ACYP2: variants seen among roughly 807,000 people sequenced by gnomAD.
The protein encoded by ACYP2 is acylphosphatase 2.
A neutral mutation model predicts 11.2 loss-of-function variants in ACYP2; 12 were observed. That is an observed-to-expected ratio of 1.08 (90% CI 0.69 to 1.74). ACYP2 has a LOEUF of 1.74. Among genes scored for constraint, ACYP2 ranks in the 40% most tolerant of loss-of-function variants. The pLI is 0.00. For synonymous variants in ACYP2, 43 were observed against 32.2 expected, an observed-to-expected ratio of 1.33 and a Z score of -1.13; for missense variants, 134 against 101.9, an observed-to-expected ratio of 1.31 and a Z score of -1.35.
At chr2:54,266,575 T>C (rs1387796694) in intron 6 of ACYP2, among the ~76,000 whole-genome samples, 1 of 140,306 alleles carries the variant, frequency 7.1e-6, no homozygotes, top group Non-Finnish European at 1.5e-5. Flanking sequence ...TAGATAGATA[T>C]AGATATCTAT....
intron 6 of ACYP2, among the ~76,000 whole-genome samples, chr2:54,275,058 G>A (rs948280351): frequency 3.4e-5 from 5 of 148,002 alleles, no homozygotes; most frequent in Non-Finnish European, 7.4e-5. Flanking sequence ...TCTGTGTAAG[G>A]TAAGGTATAA....
chr2:54,020,583 A>G (rs1177325339), intron 2 of ACYP2, among the ~76,000 whole-genome samples: 2 of 152,238 alleles, frequency 1.3e-5, no homozygotes, highest in Admixed American at 6.5e-5. Flanking sequence ...TGCTCCTGTA[A>G]ATAAAATTAT....
At chr2:54,201,652 T>TTC (rs777206836) in intron 6 of ACYP2, among the ~76,000 whole-genome samples, 2 of 93,426 alleles carry the variant, frequency 2.1e-5, no homozygotes, top group South Asian at 4.4e-4. Flanking sequence ...CTTTCTTTCT[T>TTC]TCTTTCTTTC....
chr2:54,015,645 T>TCACACA (rs4027206), intron 2 of ACYP2, among the ~76,000 whole-genome samples: 3,087 of 130,352 alleles, frequency 0.024, 51 homozygotes, highest in African/African-American at 0.04. Context: ...TGAGACCCCG[T>TCACACA]CACACACACA....
intron 6 of ACYP2, among the ~76,000 whole-genome samples, chr2:54,299,483 T>G (rs1001939785): frequency 4.0e-4 from 61 of 151,072 alleles, no homozygotes; most frequent in African/African-American, 1.3e-3. Context: ...TCCCAGTTAC[T>G]CAGGAGGCTG....
At chr2:53,990,696 T>G (rs1451125498) in intron 2 of ACYP2, among the ~76,000 whole-genome samples, 1 of 150,690 alleles carries the variant, frequency 6.6e-6, no homozygotes, top group African/African-American at 2.4e-5. Context: ...ATCCTCACTT[T>G]CAGCAAATTA....
At chr2:54,171,031 C>T (rs59531016) in intron 6 of ACYP2, among the ~76,000 whole-genome samples, 9 of 152,070 alleles carry the variant, frequency 5.9e-5, no homozygotes, top group Admixed American at 1.3e-4. Flanking sequence ...CGGGAGGGCT[C>T]GGCATTTCAT....
intron 6 of ACYP2, among the ~76,000 whole-genome samples, chr2:54,278,529 A>G (rs142883401): frequency 5.8e-4 from 88 of 152,316 alleles, no homozygotes; most frequent in African/African-American, 2.0e-3. Context: ...GCGAGTTGGA[A>G]TAATTATGAG....
rs536282449 is a variant in ACYP2, at chr2:54,050,938, AT to A, written c.63-13del. ...TACAGGTGTGCACCCAACTAATTAA[AT>A]TTTTTTCTTTTTTTGTAGATACAAG... On this transcript the variant is annotated intron_variant, in intron 2 of 6. Coordinates refer to ENST00000607452, the MANE Select transcript of ACYP2 (RefSeq NM_001320586.2). 409 of 406,742 alleles carry A rather than the reference AT, an allele frequency of 1.0e-3. 1 individual carries two copies. The highest frequency in any genetic ancestry group is 1.2e-3 in the Middle Eastern group (2 of 1,616). The allele number at this position is 406,742 out of a possible 1,614,324, so 25.2% of individuals were successfully genotyped here.
chr2:54,278,728 T>C (rs1688722570), intron 6 of ACYP2, among the ~76,000 whole-genome samples: 1 of 152,256 alleles, frequency 6.6e-6, no homozygotes, highest in Admixed American at 6.5e-5. Flanking sequence ...ATTTGGCTTA[T>C]TTAAAAGTTT....
intron 6 of ACYP2, among the ~76,000 whole-genome samples, chr2:54,298,314 C>G (rs1689597959): frequency 6.7e-6 from 1 of 149,730 alleles, no homozygotes; most frequent in African/African-American, 2.5e-5. Context: ...TCATATAAGG[C>G]AATCACATAA....
chr2:54,263,147 A>G (rs756757869), intron 6 of ACYP2, among the ~76,000 whole-genome samples: 3 of 152,248 alleles, frequency 2.0e-5, no homozygotes, highest in Non-Finnish European at 2.9e-5. Flanking sequence ...TACAGGAAGC[A>G]TAGTGTGGCA....
At chr2:54,042,991 A>T (rs1315678912) in intron 2 of ACYP2, among the ~76,000 whole-genome samples, 6 of 152,188 alleles carry the variant, frequency 3.9e-5, no homozygotes, top group Non-Finnish European at 8.8e-5. Flanking sequence ...CCATCAGTCC[A>T]TGCGTAGCAT....
chr2:54,068,811 G>A lies in ACYP2; in HGVS notation c.277+11451G>A, dbSNP rs917490299. Among the ~76,000 whole-genome samples the A allele has an allele frequency of 2.0e-5, 3 of 152,262 alleles. No individual in the cohort carries two copies. In the East Asian group the frequency reaches 5.8e-4, roughly 29 times the overall value. On this transcript the variant is annotated intron_variant, in intron 4 of 6. Coordinates refer to ENST00000607452, the MANE Select transcript of ACYP2 (RefSeq NM_001320586.2). Reference sequence around the variant, plus strand: ...AGGCTGCATTCTTCTCAAACAGCCTGTGTTTGAAGGAGAAGCAATGGCTGT... The same window carrying A: ...AGGCTGCATTCTTCTCAAACAGCCTATGTTTGAAGGAGAAGCAATGGCTGT...
At chr2:54,073,428 C>G (rs1677168840) in intron 4 of ACYP2, among the ~76,000 whole-genome samples, 1 of 151,998 alleles carries the variant, frequency 6.6e-6, no homozygotes, top group Non-Finnish European at 1.5e-5. Context: ...GTACAAAACT[C>G]TTGGAAGAAA....
At chr2:54,082,354 T>A (rs1677708560) in intron 4 of ACYP2, among the ~76,000 whole-genome samples, 1 of 152,094 alleles carries the variant, frequency 6.6e-6, no homozygotes, top group African/African-American at 2.4e-5. Context: ...CAAGCGGTTC[T>A]CCTGGCTCAG....
chr2:53,979,907 G>T (rs1671669092), intron 2 of ACYP2, among the ~76,000 whole-genome samples: 1 of 151,948 alleles, frequency 6.6e-6, no homozygotes, highest in Non-Finnish European at 1.5e-5. Flanking sequence ...GGCCAGGCTG[G>T]TCTGGAGCTT....
At chr2:54,093,971 A>AAACC (rs1450493943) in intron 4 of ACYP2, among the ~76,000 whole-genome samples, 1 of 144,378 alleles carries the variant, frequency 6.9e-6, no homozygotes, top group African/African-American at 2.6e-5. Flanking sequence ...ACAAACAAAC[A>AAACC]AACCCACTCA....
intron 6 of ACYP2, among the ~76,000 whole-genome samples, chr2:54,252,707 A>C (rs1217183461): frequency 6.6e-6 from 1 of 152,198 alleles, no homozygotes; most frequent in Non-Finnish European, 1.5e-5. Flanking sequence ...ATTTGAGTCC[A>C]TCCTTGTTAA....
Sources: allele counts gnomAD v4.1 joint callset (sites outside exome capture counted in the v4.1 genomes callset), GRCh38; gene constraint gnomAD v4.1.1; transcripts MANE v1.5; gene names NCBI Gene and HGNC (gene_info 2026-07-23, HGNC 2026-07-21).